Variants in DYNC1H1 observed in about 807,000 individuals in gnomAD.
The protein encoded by DYNC1H1 is cytoplasmic dynein 1 heavy chain 1.
DYNC1H1 carries 51 observed loss-of-function variants against 527.1 expected under a neutral mutation model. The observed-to-expected ratio is 0.10, with a 90% CI of 0.08 to 0.12. DYNC1H1 has a LOEUF of 0.12. Ranked by LOEUF, DYNC1H1 falls within the 10% of genes least tolerant of loss-of-function variation. DYNC1H1 has a pLI of 1.00. For synonymous variants in DYNC1H1, 2,189 were observed against 2,278.8 expected (o/e 0.96, Z 1.12); for missense variants, 2,771 against 5,971.8 (o/e 0.46, Z 17.66).
rs1402672104 is a variant in DYNC1H1 at position 101,996,677 on chromosome 14, A to G, written c.3565-358A>G. On this transcript the variant is annotated intron_variant, in intron 15 of 77. Transcript: ENST00000360184. ...TCACCTGTCACCCAGGCTGGAGTGC[A>G]GTGGCAGGATCCTAGCTCACTGCAG... 6.0e-4 allele frequency among the ~76,000 whole-genome samples: 91 copies of G among 152,158 alleles called. 2 individuals are homozygous for G. Among genetic ancestry groups the G allele is most frequent in the Admixed American group, 6.0e-3 (91 of 15,280 alleles).
rs2048323472 is a variant in DYNC1H1 at position 102,016,431 on chromosome 14, G to A, written c.7556G>A (p.Arg2519Lys). Residue 2519 changes from arginine to lysine, a missense_variant, in exon 37 of 78, where the codon AGA becomes AAA. Arg to Lys is a conservative substitution (Grantham distance 26, BLOSUM62 2). This residue lies in a region of DYNC1H1 where 71 missense variants were observed against 143.6 expected (regional missense o/e 0.49). Transcript: ENST00000360184. This position sits in a 1 kb window ranked among gnomAD's most constrained non-coding sequence, Gnocchi z 7.3. The stretch of plus-strand genomic sequence containing the variant: ...AGAGCAGAGCTGGGTGAATACATCA[G>A]AAGAATCACGACCGTGCCTCTGCCC... ...KMRAELGEYI[R>K]RITTVPLPTA... 3 of 1,614,186 alleles carry A rather than the reference G, an allele frequency of 1.9e-6. No homozygotes were observed. The East Asian group carries it at 6.7e-5, about 36-fold the overall frequency.
In DYNC1H1 at chr14:102,018,335, T is replaced by G. The variant is rs1241734175; in HGVS notation, c.8178-116T>G. 1 of 1,440,202 alleles carries G rather than the reference T, an allele frequency of 6.9e-7. No homozygotes were observed. Among genetic ancestry groups the G allele is most frequent in the Non-Finnish European group, 9.4e-7 (1 of 1,064,834 alleles). The allele number at this position is 1,440,202 out of a possible 1,614,324, so 89.2% of individuals were successfully genotyped here. ...AACACTGATGTCAAGTCTGCATAGCTGGGTTAGGAAGCGACCTCCAGACAG... is the reference window on the plus strand; with the variant it reads ...AACACTGATGTCAAGTCTGCATAGCGGGGTTAGGAAGCGACCTCCAGACAG... On this transcript the variant is annotated intron_variant, in intron 40 of 77. Transcript: ENST00000360184. This position sits in a 1 kb window ranked among gnomAD's most constrained non-coding sequence, Gnocchi z 5.2.
At position 102,049,012 on chromosome 14, in the gene DYNC1H1, C is replaced by G. The variant is rs922857123; in HGVS notation, c.13372+343C>G. 2.3e-6 allele frequency: 1 copy of G among 433,368 alleles called. No homozygotes were observed. The highest frequency in any genetic ancestry group is 2.0e-5 in the African/African-American group (1 of 49,712). The allele number at this position is 433,368 out of a possible 1,614,324, so 26.8% of individuals were successfully genotyped here. ...TTACGGCCTGTGAAGAATGGGTGTCCCCCAGGACAGTGGAAAAGCAGGGGC... is the reference window on the plus strand; with the variant it reads ...TTACGGCCTGTGAAGAATGGGTGTCGCCCAGGACAGTGGAAAAGCAGGGGC... On this transcript the variant is annotated intron_variant, in intron 74 of 77. Coordinates refer to ENST00000360184, the MANE Select transcript of DYNC1H1 (RefSeq NM_001376.5). The surrounding 1 kb of genome is among the most constrained non-coding windows in gnomAD (Gnocchi z 5.5).
In DYNC1H1 at chr14:101,986,516, T is replaced by C; in HGVS notation, c.2291T>C (p.Ile764Thr). ...KWLGFRVPLA[I>T]VNKAHQANQL... ...CTTGGTTTCCGCGTCCCACTGGCGA[T>C]TGTGAACAAAGCCCATCAAGCAAAC... The change falls in exon 8 of 78, where the codon ATT (isoleucine) becomes ACT (threonine). Residue 764 changes from isoleucine (I) to threonine (T), a missense_variant. This residue lies in a region of DYNC1H1 where 264 missense variants were observed against 619.4 expected (regional missense o/e 0.43). Transcript: ENST00000360184. The surrounding 1 kb of genome is among the most constrained non-coding windows in gnomAD (Gnocchi z 8.7). 6.2e-7 allele frequency: 1 copy of C among 1,614,172 alleles called. No individual in the cohort carries two copies. The highest frequency in any genetic ancestry group is 1.1e-5 in the South Asian group (1 of 91,076).
chr14:102,010,711 C>CT lies in DYNC1H1; in HGVS notation c.6406-28dup. ...CGGGCAGTACTTGAGCCATGCTGCG[C>CT]TGCTCACAGCCCAGCCCTCTCCCCG... On this transcript the variant is annotated intron_variant, in intron 31 of 77. Transcript: ENST00000360184. This position sits in a 1 kb window ranked among gnomAD's most constrained non-coding sequence, Gnocchi z 6.0. 6.2e-7 allele frequency: 1 copy of CT among 1,611,424 alleles called. No homozygotes were observed. Among genetic ancestry groups the CT allele is most frequent in the Non-Finnish European group, 8.5e-7 (1 of 1,179,326 alleles).
In DYNC1H1 at chr14:102,001,156, G is replaced by C; in HGVS notation, c.4197G>C (p.Leu1399=). 6.2e-7 allele frequency: 1 copy of C among 1,614,170 alleles called. No homozygotes were observed. Among genetic ancestry groups the C allele is most frequent in the Admixed American group, 1.7e-5 (1 of 60,006 alleles). ...TACTTTCTCCACAGATAAATATGCT[G>C]GTGATTGAACTGAAATCCGAAGCAC... ...LLKGYMKINM[L]VIELKSEALK... Residue 1399 remains leucine, a synonymous_variant, in exon 20 of 78, where the codon CTG becomes CTC. Coordinates refer to ENST00000360184, the MANE Select transcript of DYNC1H1 (RefSeq NM_001376.5). The surrounding 1 kb of genome is among the most constrained non-coding windows in gnomAD (Gnocchi z 5.0).
Position 101,964,934 on chromosome 14 carries a change from C to G in DYNC1H1, c.243C>G (p.Arg81=), listed in dbSNP as rs761526917. Residue 81 remains arginine, a synonymous_variant, in exon 1 of 78, where the codon CGC becomes CGG. Transcript: ENST00000360184. The surrounding 1 kb of genome is among the most constrained non-coding windows in gnomAD (Gnocchi z 5.5). ...AGGTCCACACGGTGCTGGTGGAGCGCTCCACGCTCAAAGGTGCGGGGCCGC... is the reference window on the plus strand; with the variant it reads ...AGGTCCACACGGTGCTGGTGGAGCGGTCCACGCTCAAAGGTGCGGGGCCGC... ...DPQVHTVLVE[R]STLKEDVGDE... is the part of the protein sequence containing the mutation. 1 of 1,598,538 alleles carries G rather than the reference C, an allele frequency of 6.3e-7. No individual in the cohort carries two copies. The highest frequency in any genetic ancestry group is 8.5e-7 in the Non-Finnish European group (1 of 1,173,956).
intron 27 of DYNC1H1, 25 bp from the exon 28 acceptor site, chr14:102,006,983 C>T: frequency 6.2e-7 from 1 of 1,607,946 alleles, no homozygotes; most frequent in African/African-American, 1.3e-5. Context: ...TGGACTCAAG[C>T]ACTCTGTTGC....
rs1350272525 is a variant in DYNC1H1, at chr14:102,053,888, A to G, written c.*3325A>G. 6.6e-6 allele frequency: 1 copy of G among 151,674 alleles called. No individual in the cohort carries two copies. Among genetic ancestry groups the G allele is most frequent in the African/African-American group, 2.4e-5 (1 of 40,988 alleles). The allele number at this position is 151,674 out of a possible 1,614,324, so 9.4% of individuals were successfully genotyped here. On this transcript the variant is annotated 3_prime_UTR_variant, in exon 78 of 78. Coordinates refer to ENST00000360184, the MANE Select transcript of DYNC1H1 (RefSeq NM_001376.5). ...CAGCCTCCCCAGACTACAGGTGCAC[A>G]CCACCACGCCCGGCTAATTTTTGTA...
At chr14:102,046,039 G>A in intron 72 of DYNC1H1, among the ~76,000 whole-genome samples, 1 of 152,030 alleles carries the variant, frequency 6.6e-6, no homozygotes, top group East Asian at 1.9e-4. Context: ...GTGGTGGCGG[G>A]CACCTGTAGT....
chr14:102,046,066 GCTGA>G (rs2048713474), intron 72 of DYNC1H1, among the ~76,000 whole-genome samples: 1 of 152,038 alleles, frequency 6.6e-6, no homozygotes, highest in Non-Finnish European at 1.5e-5. Flanking sequence ...TACTCAAGAG[GCTGA>G]GGCAGGAGAA....
chr14:102,032,930 C>A, intron 52 of DYNC1H1, 135 bp from the exon 53 acceptor site: 1 of 881,610 alleles, frequency 1.1e-6, no homozygotes, highest in East Asian at 2.4e-5. Flanking sequence ...AAGGGTCAGT[C>A]TAGCTCATCC....
At position 102,040,392 on chromosome 14, in the gene DYNC1H1, A is replaced by G; in HGVS notation, c.11847A>G (p.Ala3949=). Residue 3949 remains alanine (A), a synonymous_variant, in exon 63 of 78, where the codon GCA becomes GCG. Coordinates refer to ENST00000360184, the MANE Select transcript of DYNC1H1 (RefSeq NM_001376.5). ...SCLPAFKDLI[A]KVQADEQFGI... ...TTCCCGCGTTTAAGGACTTGATTGC[A>G]AAGGTTCAGGCAGACGAGGTGATTG... 6.2e-7 allele frequency: 1 copy of G among 1,614,222 alleles called. No individual in the cohort carries two copies. Among genetic ancestry groups the G allele is most frequent in the East Asian group, 2.2e-5 (1 of 44,880 alleles).
At chr14:101,975,114 T>TC (rs138234528) in intron 1 of DYNC1H1, among the ~76,000 whole-genome samples, 1 of 152,324 alleles carries the variant, frequency 6.6e-6, no homozygotes, top group African/African-American at 2.4e-5. Context: ...AGCCTGGACT[T>TC]CGGAATCACA....
chr14:101,970,325 A>G (rs2047717348), intron 1 of DYNC1H1, among the ~76,000 whole-genome samples: 1 of 151,882 alleles, frequency 6.6e-6, no homozygotes, highest in Non-Finnish European at 1.5e-5. Flanking sequence ...CCTCAGGAGG[A>G]TGAAAGGGTG....
At chr14:102,048,808 CTCAA>C in intron 74 of DYNC1H1, 139 bp downstream of exon 74, 3 of 573,060 alleles carry the variant, frequency 5.2e-6, no homozygotes, top group Non-Finnish European at 7.8e-6. Context: ...TGCTCTTACC[CTCAA>C]GGTGGGCGGG....
In DYNC1H1 at chr14:102,053,741, CTCTT is replaced by C. The variant is rs1221227607; in HGVS notation, c.*3180_*3183del. 7.3e-6 allele frequency: 1 copy of C among 136,964 alleles called. No homozygotes were observed. Among genetic ancestry groups the C allele is most frequent in the Non-Finnish European group, 1.5e-5 (1 of 66,100 alleles). 8.5% of individuals were successfully genotyped at this position (136,964 alleles called of 1,614,324 possible). A position where few individuals can be genotyped will look rare whatever the true frequency, so the allele number is the denominator to read the frequency against. ...ACAGGCGTGAGCCACCACACTCGGCCTCTTTGTTTGTTTTTTTTTTTTTTTGAGA... is the reference window on the plus strand; with the variant it reads ...ACAGGCGTGAGCCACCACACTCGGCCTGTTTGTTTTTTTTTTTTTTTGAGA... On this transcript the variant is annotated 3_prime_UTR_variant, in exon 78 of 78. Coordinates refer to ENST00000360184, the MANE Select transcript of DYNC1H1 (RefSeq NM_001376.5).
At chr14:101,966,257 T>C (rs1351451309) in intron 1 of DYNC1H1, among the ~76,000 whole-genome samples, 2 of 152,174 alleles carry the variant, frequency 1.3e-5, no homozygotes, top group African/African-American at 2.4e-5. Flanking sequence ...CTGCCAGAGA[T>C]TAGCAGGGTG....
chr14:102,001,351 G>A lies in DYNC1H1; in HGVS notation c.4392G>A (p.Lys1464=), dbSNP rs2048128274. 2 of 1,614,160 alleles carry A rather than the reference G, an allele frequency of 1.2e-6. No homozygotes were observed. Among genetic ancestry groups the A allele is most frequent in the Non-Finnish European group, 8.5e-7 (1 of 1,180,034 alleles). ...QGEMALEEFL[K]QIREVWNTYE... ...AGATGGCTTTGGAAGAATTTTTGAAGCAGGCGAGTAATAGGACTGAACGGC... is the reference window on the plus strand; with the variant it reads ...AGATGGCTTTGGAAGAATTTTTGAAACAGGCGAGTAATAGGACTGAACGGC... The change falls in exon 20 of 78, where the codon AAG becomes AAA. Residue 1464 remains lysine, a synonymous_variant. Transcript: ENST00000360184. This position sits in a 1 kb window ranked among gnomAD's most constrained non-coding sequence, Gnocchi z 5.0.
Sources: allele counts gnomAD v4.1 joint callset (sites outside exome capture counted in the v4.1 genomes callset), GRCh38; gene constraint gnomAD v4.1.1; regional missense constraint gnomAD v4.1.1; non-coding constraint Gnocchi (gnomAD v3.1); transcripts MANE v1.5; gene names NCBI Gene and HGNC (gene_info 2026-07-23, HGNC 2026-07-21).